Variants in CHL1 observed in about 807,000 individuals in gnomAD.
The protein encoded by CHL1 is cell adhesion molecule L1 like.
Under a neutral mutation model 141.9 loss-of-function variants are expected in CHL1, and 96 were observed. The ratio of observed to expected loss-of-function variants is 0.68; its 90% CI spans 0.57 to 0.80. The LOEUF (loss-of-function observed/expected upper bound fraction) is 0.80. Among genes scored for constraint, CHL1 ranks in the 30% least tolerant of loss-of-function variants. The pLI, the probability that CHL1 is intolerant of heterozygous loss-of-function variation, is 0.00. For synonymous variants in CHL1, 613 were observed against 502.2 expected, an observed-to-expected ratio of 1.22 and a Z score of -2.95; for missense variants, 1,820 against 1,457.2, an observed-to-expected ratio of 1.25 and a Z score of -4.05.
chr3:401,044 G>A (rs1402533032), intron 26 of CHL1, among the ~76,000 whole-genome samples: 1 of 151,508 alleles, frequency 6.6e-6, no homozygotes, highest in Non-Finnish European at 1.5e-5. Context: ...TGGGACTACA[G>A]GTGTATGCTA....
chr3:229,675 CTTGGTGGGA>C (rs1327746665), intron 1 of CHL1, among the ~76,000 whole-genome samples: 4 of 152,192 alleles, frequency 2.6e-5, no homozygotes, highest in Admixed American at 2.6e-4. Context: ...TTTATCGACT[CTTGGTGGGA>C]TTATGAAATG....
rs372112134 is a variant in CHL1, at chr3:299,770, C to A, written c.-94-19913C>A. On this transcript the variant is annotated intron_variant, in intron 2 of 27. Coordinates refer to ENST00000256509, the MANE Select transcript of CHL1 (RefSeq NM_006614.4). ...ACCTGACAGGGGAGCAGTGAAACAA[C>A]ACTAGGAGGACAATTAGTCATCATT... Among the ~76,000 whole-genome samples, 3 of 152,250 alleles carry A rather than the reference C, an allele frequency of 2.0e-5. No individual in the cohort carries two copies. The South Asian group carries it at 6.2e-4, about 32-fold the overall frequency.
chr3:298,804 G>C (rs749592457), intron 2 of CHL1, among the ~76,000 whole-genome samples: 1 of 152,164 alleles, frequency 6.6e-6, no homozygotes, highest in South Asian at 2.1e-4. Flanking sequence ...TGGATACAGA[G>C]ATTAGCAAAA....
chr3:385,896 A>G (rs1358749339), intron 19 of CHL1: 2 of 151,610 alleles, frequency 1.3e-5, no homozygotes, highest in Non-Finnish European at 2.9e-5. Flanking sequence ...TTAGTAATTA[A>G]TTGACTAGAG....
chr3:262,841 CAA>C (rs1372372078), intron 2 of CHL1, among the ~76,000 whole-genome samples: 3 of 152,198 alleles, frequency 2.0e-5, no homozygotes, highest in Non-Finnish European at 4.4e-5. Flanking sequence ...TTCAAGCCTT[CAA>C]AGACATCACT....
intron 1 of CHL1, among the ~76,000 whole-genome samples, chr3:204,858 T>A (rs1024359967): frequency 6.6e-6 from 1 of 152,120 alleles, no homozygotes. Context: ...TTTAGAAAAT[T>A]TTTCCATGTC....
chr3:377,219 G>C (rs1463047322), intron 15 of CHL1, among the ~76,000 whole-genome samples: 1 of 152,210 alleles, frequency 6.6e-6, no homozygotes, highest in Non-Finnish European at 1.5e-5. Context: ...AAAAAGTGAG[G>C]TGAAATGATT....
intron 2 of CHL1, among the ~76,000 whole-genome samples, chr3:264,346 A>G (rs1694986196): frequency 6.6e-6 from 1 of 152,212 alleles, no homozygotes; most frequent in Non-Finnish European, 1.5e-5. Flanking sequence ...GTATTCCAGT[A>G]GAAATAATAA....
intron 2 of CHL1, among the ~76,000 whole-genome samples, chr3:282,350 A>C (rs1237909718): frequency 1.3e-5 from 2 of 152,134 alleles, no homozygotes; most frequent in Non-Finnish European, 2.9e-5. Flanking sequence ...ATAATTCTTG[A>C]TTTATGTAGT....
At chr3:304,999 G>A (rs757377984) in intron 2 of CHL1, among the ~76,000 whole-genome samples, 3 of 151,936 alleles carry the variant, frequency 2.0e-5, no homozygotes, top group Non-Finnish European at 4.4e-5. Context: ...AGTCATATCT[G>A]GTCACGGATA....
At chr3:339,123 C>T (rs934142016) in intron 5 of CHL1, among the ~76,000 whole-genome samples, 2 of 152,138 alleles carry the variant, frequency 1.3e-5, no homozygotes, top group African/African-American at 4.8e-5. Context: ...TCACCAACTA[C>T]CCAACAGCAC....
chr3:375,936 G>A (rs1311050232), intron 15 of CHL1, among the ~76,000 whole-genome samples: 1 of 152,166 alleles, frequency 6.6e-6, no homozygotes, highest in South Asian at 2.1e-4. Context: ...GACAACAATG[G>A]CTGCTGACAT....
At chr3:373,183 T>G (rs184166906) in intron 15 of CHL1, among the ~76,000 whole-genome samples, 1 of 152,336 alleles carries the variant, frequency 6.6e-6, no homozygotes, top group East Asian at 1.9e-4. Context: ...GCTGCCTGGA[T>G]TCCTCAGAAC....
chr3:320,361 C>G (rs1158378934), intron 3 of CHL1, among the ~76,000 whole-genome samples: 2 of 151,926 alleles, frequency 1.3e-5, no homozygotes. Flanking sequence ...GATATGAACT[C>G]TCAAAATTTA....
At chr3:339,589 C>T (rs1203167387) in intron 5 of CHL1, among the ~76,000 whole-genome samples, 3 of 152,144 alleles carry the variant, frequency 2.0e-5, no homozygotes, top group African/African-American at 7.2e-5. Flanking sequence ...AGTGTAATAG[C>T]CACACCGCCC....
At chr3:365,914 T>G in intron 14 of CHL1, 36 bp from the exon 15 acceptor site, 1 of 1,568,760 alleles carries the variant, frequency 6.4e-7, no homozygotes, top group East Asian at 2.3e-5. Flanking sequence ...TAAGTTACGC[T>G]TAGTTCTAAC....
chr3:215,546 A>T (rs1700246239), intron 1 of CHL1, among the ~76,000 whole-genome samples: 1 of 152,206 alleles, frequency 6.6e-6, no homozygotes, highest in Non-Finnish European at 1.5e-5. Context: ...TAACTAGAAG[A>T]GAGGATCCTG....
At chr3:252,398 A>ATATT (rs1693788842) in intron 2 of CHL1, among the ~76,000 whole-genome samples, 1 of 141,282 alleles carries the variant, frequency 7.1e-6, no homozygotes, top group Admixed American at 7.1e-5. Flanking sequence ...ATATATATAT[A>ATATT]TATTTCTATT....
intron 5 of CHL1, among the ~76,000 whole-genome samples, chr3:332,134 A>G (rs1701490259): frequency 6.6e-6 from 1 of 152,196 alleles, no homozygotes; most frequent in South Asian, 2.1e-4. Context: ...CACATTGTTT[A>G]TATTTAAAAA....
Sources: gnomAD v4.1 joint callset for allele counts (sites outside exome capture counted in the v4.1 genomes callset) on GRCh38, gnomAD v4.1.1 for gene constraint, MANE v1.5 for transcripts, NCBI Gene and HGNC (gene_info 2026-07-23, HGNC 2026-07-21) for gene names.